Variants in PCDHGA2 observed in about 807,000 individuals in gnomAD.
PCDHGA2 encodes the protein protocadherin gamma subfamily A, 2.
PCDHGA2 carries 40 observed loss-of-function variants against 59.2 expected under a neutral mutation model. That is an observed-to-expected ratio of 0.68 (90% CI 0.52 to 0.88). The LOEUF (loss-of-function observed/expected upper bound fraction) is 0.88, where lower values mean the gene tolerates loss of function less well. Among genes scored for constraint, PCDHGA2 ranks in the 40% least tolerant of loss-of-function variants. The pLI is 0.00. For missense variants in PCDHGA2, 1,226 were observed against 1,204.0 expected, an observed-to-expected ratio of 1.02 and a Z score of -0.27; for synonymous variants, 560 against 526.0, an observed-to-expected ratio of 1.06 and a Z score of -0.89.
chr5:141,444,695 CCT>C (rs2154560766), intron 1 of PCDHGA2, among the ~76,000 whole-genome samples: 1 of 152,134 alleles, frequency 6.6e-6, no homozygotes, highest in South Asian at 2.1e-4. Flanking sequence ...AAAATATTTT[CCT>C]CTTTCTGTTG....
rs778684539 is a variant in PCDHGA2 at position 141,477,205 on chromosome 5, G to A, written c.2425-17602G>A. ...CCTCCGTGTACAGCCCAGTACCCGA[G>A]GATGCCCCTCTGGGGACTGTCATCG... On this transcript the variant is annotated intron_variant, in intron 1 of 3. Transcript: ENST00000394576. The surrounding 1 kb of genome is among the most constrained non-coding windows in gnomAD (Gnocchi z 4.9). 1 of 1,614,184 alleles carries A rather than the reference G, an allele frequency of 6.2e-7. No homozygotes were observed. The highest frequency in any genetic ancestry group is 8.5e-7 in the Non-Finnish European group (1 of 1,180,042).
Position 141,339,760 on chromosome 5 carries a change from G to A in PCDHGA2, c.789G>A (p.Thr263=), listed in dbSNP as rs1756873747. 2 of 1,614,136 alleles carry A rather than the reference G, an allele frequency of 1.2e-6. No individual in the cohort carries two copies. The highest frequency in any genetic ancestry group is 1.6e-4 in the Middle Eastern group (1 of 6,062). The part of the protein sequence containing the change: ...ENTLVGTRIL[T]VTATDADEGY... ...CGCTCGTGGGCACCCGGATACTCAC[G>A]GTGACCGCCACTGACGCAGATGAGG... Residue 263 remains threonine, a synonymous_variant, in exon 1 of 4, where the codon ACG becomes ACA. Transcript: ENST00000394576.
intron 1 of PCDHGA2, among the ~76,000 whole-genome samples, chr5:141,472,542 GA>G (rs904556404): frequency 1.6e-4 from 23 of 147,144 alleles, no homozygotes; most frequent in African/African-American, 4.2e-4. Context: ...ACCATCTCAA[GA>G]AAAAAAAAAT....
chr5:141,351,236 C>G, intron 1 of PCDHGA2: 2 of 1,613,964 alleles, frequency 1.2e-6, no homozygotes, highest in Middle Eastern at 1.6e-4. Context: ...ACACACAGCT[C>G]ACTGTAATGT....
Position 141,395,117 on chromosome 5 carries a change from G to C in PCDHGA2, c.2424+53722G>C. 4 of 1,614,192 alleles carry C rather than the reference G, an allele frequency of 2.5e-6. No homozygotes were observed. The South Asian group carries it at 4.4e-5, about 18-fold the overall frequency. ...CCGCCGACTCGCGGAAGAGTCACCT[G>C]ATCTTTCCCCAGCCCAACTACGCAG... On this transcript the variant is annotated intron_variant, in intron 1 of 3. Coordinates refer to ENST00000394576, the MANE Select transcript of PCDHGA2 (RefSeq NM_018915.4).
intron 1 of PCDHGA2, chr5:141,421,331 C>T: frequency 1.2e-6 from 2 of 1,613,856 alleles, no homozygotes; most frequent in East Asian, 2.2e-5. Flanking sequence ...ATCCGATATT[C>T]GGTGCCAGAA....
intron 1 of PCDHGA2, chr5:141,399,924 G>A: frequency 6.2e-7 from 1 of 1,612,346 alleles, no homozygotes; most frequent in Non-Finnish European, 8.5e-7. Context: ...ACAACGCCTG[G>A]CTGTCCTACC....
intron 1 of PCDHGA2, among the ~76,000 whole-genome samples, chr5:141,353,056 T>C (rs1759173544): frequency 6.6e-6 from 1 of 152,188 alleles, no homozygotes; most frequent in South Asian, 2.1e-4. Flanking sequence ...TTTGATTTTC[T>C]TTCATTGTTC....
chr5:141,494,926 G>T, intron 2 of PCDHGA2, 61 bp downstream of exon 2: 1 of 1,613,498 alleles, frequency 6.2e-7, no homozygotes, highest in Non-Finnish European at 8.5e-7. Flanking sequence ...GGATGACGTG[G>T]GAGGAGATGG....
intron 1 of PCDHGA2, chr5:141,395,547 TGTG>T (rs1561655259): frequency 0.04 from 6,887 of 174,198 alleles, 418 homozygotes; most frequent in African/African-American, 0.079. Context: ...ATTGTTTGTG[TGTG>T]TGTGTGTGTG....
At position 141,341,019 on chromosome 5, in the gene PCDHGA2, T is replaced by A. The variant is rs140187884; in HGVS notation, c.2048T>A (p.Ile683Lys). The change falls in exon 1 of 4, where the codon ATA (isoleucine) becomes AAA (lysine). Residue 683 changes from isoleucine (I) to lysine (K), a missense_variant. Physicochemically the swap from Ile to Lys is moderately radical, Grantham distance 102 (BLOSUM62 -3). Transcript: ENST00000394576. Reference sequence around the variant, plus strand: ...CTGGGCAGCCTCGAGCCCTCCGCCATACCCAACGATTCGGACCTCACTCTG... The same window carrying A: ...CTGGGCAGCCTCGAGCCCTCCGCCAAACCCAACGATTCGGACCTCACTCTG... ...ADLGSLEPSA[I>K]PNDSDLTLYL... The A allele has an allele frequency of 1.6e-4, 262 of 1,613,806 alleles. 2 individuals carry two copies. Among genetic ancestry groups the A allele is most frequent in the Middle Eastern group, 9.9e-4 (6 of 6,054 alleles).
rs773688197 is a variant in PCDHGA2, at chr5:141,432,412, C to T, written c.2425-62395C>T. On this transcript the variant is annotated intron_variant, in intron 1 of 3. Transcript: ENST00000394576. This position sits in a 1 kb window ranked among gnomAD's most constrained non-coding sequence, Gnocchi z 6.0. ...GCAGCAACGTGTCGTTGAGCCTGTT[C>T]GTGCTGGACCAGAACGACAATGCGC... 5 of 1,614,128 alleles carry T rather than the reference C, an allele frequency of 3.1e-6. No individual in the cohort carries two copies. The highest frequency in any genetic ancestry group is 4.5e-5 in the East Asian group (2 of 44,894).
At chr5:141,433,272 C>A in intron 1 of PCDHGA2, 1 of 1,252,410 alleles carries the variant, frequency 8.0e-7, no homozygotes, top group Non-Finnish European at 1.1e-6. Context: ...TAGCTCACTG[C>A]AGCCTCAAAC....
intron 1 of PCDHGA2, among the ~76,000 whole-genome samples, chr5:141,462,363 G>C (rs1425898350): frequency 6.6e-6 from 1 of 152,132 alleles, no homozygotes; most frequent in Non-Finnish European, 1.5e-5. Context: ...ACATTGTATA[G>C]TTTCTATTCT....
intron 1 of PCDHGA2, chr5:141,419,396 G>A (rs772000806): frequency 3.7e-6 from 6 of 1,613,600 alleles, no homozygotes; most frequent in Admixed American, 1.7e-5. Flanking sequence ...GCAGAGCGGG[G>A]TGGTGTTCGC....
At chr5:141,380,270 A>G (rs1427444022) in intron 1 of PCDHGA2, among the ~76,000 whole-genome samples, 1 of 152,226 alleles carries the variant, frequency 6.6e-6, no homozygotes, top group Non-Finnish European at 1.5e-5. Flanking sequence ...GTAAAATCTC[A>G]GAGGAGAAAC....
intron 1 of PCDHGA2, chr5:141,393,343 A>G (rs751102208): frequency 8.1e-6 from 13 of 1,613,914 alleles, no homozygotes; most frequent in Non-Finnish European, 1.1e-5. Context: ...CCCAATCACC[A>G]CTTCTCCCTG....
Position 141,372,655 on chromosome 5 carries a change from C to T in PCDHGA2, c.2424+31260C>T, listed in dbSNP as rs1424749894. 2.5e-6 allele frequency: 4 copies of T among 1,613,986 alleles called. No homozygotes were observed. The South Asian group carries it at 3.3e-5, about 13-fold the overall frequency. ...AGGACTTTGCCTTATTCCTACAATC[C>T]GTGTGCTGCCTCACATTCCTCAAAC... On this transcript the variant is annotated intron_variant, in intron 1 of 3. Coordinates refer to ENST00000394576, the MANE Select transcript of PCDHGA2 (RefSeq NM_018915.4).
Position 141,463,438 on chromosome 5 carries a change from CTTTTTTTTT to C in PCDHGA2, c.2425-31349_2425-31341del, listed in dbSNP as rs71576115. 5.5e-3 allele frequency among the ~76,000 whole-genome samples: 572 copies of C among 103,208 alleles called. 4 individuals carry two copies. The highest frequency in any genetic ancestry group is 8.7e-3 in the Non-Finnish European group (462 of 53,292). The allele number at this position is 103,208 out of a possible 152,430, so 67.7% of individuals were successfully genotyped here. On this transcript the variant is annotated intron_variant, in intron 1 of 3. Transcript: ENST00000394576. ...GTTTGCGGATCCTCATTTCCTTCTC[CTTTTTTTTT>C]TTTTTTTTTTTTTTTTTTTGAGATG...
Sources: allele counts gnomAD v4.1 joint callset (sites outside exome capture counted in the v4.1 genomes callset), GRCh38; gene constraint gnomAD v4.1.1; non-coding constraint Gnocchi (gnomAD v3.1); transcripts MANE v1.5; gene names NCBI Gene and HGNC (gene_info 2026-07-23, HGNC 2026-07-21).